The following ITPR2 variants were observed in gnomAD, a reference collection of about 807,000 sequenced individuals.
ITPR2 encodes the protein inositol 1,4,5-trisphosphate receptor type 2.
ITPR2 carries 207 observed loss-of-function variants against 317.1 expected under a neutral mutation model. That is an observed-to-expected ratio of 0.65 (90% CI 0.58 to 0.73). The LOEUF (loss-of-function observed/expected upper bound fraction) is 0.73. ITPR2 is among the 30% of genes least tolerant of loss of function. ITPR2 has a pLI of 0.00. For missense variants in ITPR2, 2,613 were observed against 3,284.0 expected (o/e 0.80, Z 4.99); for synonymous variants, 1,156 against 1,149.1 (o/e 1.01, Z -0.12).
At chr12:26,611,982 G>A (rs1471281451) in intron 26 of ITPR2, among the ~76,000 whole-genome samples, 4 of 152,142 alleles carry the variant, frequency 2.6e-5, no homozygotes, top group African/African-American at 9.7e-5. Flanking sequence ...TTTAATAAAG[G>A]GAAACACTAT....
chr12:26,395,711 C>T (rs1183963707), intron 54 of ITPR2, among the ~76,000 whole-genome samples: 1 of 152,180 alleles, frequency 6.6e-6, no homozygotes, highest in Non-Finnish European at 1.5e-5. Context: ...AACAGCTTGG[C>T]CCCATAACGC....
chr12:26,819,307 T>C (rs906512318), intron 1 of ITPR2, among the ~76,000 whole-genome samples: 4 of 152,176 alleles, frequency 2.6e-5, no homozygotes, highest in African/African-American at 9.7e-5. Flanking sequence ...GGCTGGATAT[T>C]GTATCTTTTG....
At chr12:26,545,285 C>T (rs147826041) in intron 37 of ITPR2, among the ~76,000 whole-genome samples, 31 of 151,978 alleles carry the variant, frequency 2.0e-4, no homozygotes, top group African/African-American at 7.5e-4. Context: ...AAAATTATAC[C>T]AGATTATCCA....
intron 37 of ITPR2, among the ~76,000 whole-genome samples, chr12:26,501,569 C>G (rs1235388875): frequency 6.6e-6 from 1 of 152,178 alleles, no homozygotes; most frequent in Non-Finnish European, 1.5e-5. Context: ...TATGTGCACT[C>G]AGAAGATGCT....
intron 45 of ITPR2, among the ~76,000 whole-genome samples, chr12:26,446,415 T>G (rs1156553499): frequency 6.6e-6 from 1 of 152,136 alleles, no homozygotes; most frequent in Non-Finnish European, 1.5e-5. Flanking sequence ...CTTTAAATCT[T>G]ACATAACTGA....
intron 37 of ITPR2, among the ~76,000 whole-genome samples, chr12:26,527,689 GAT>G (rs1184767687): frequency 1.3e-5 from 2 of 152,190 alleles, no homozygotes; most frequent in Non-Finnish European, 2.9e-5. Flanking sequence ...TTATTCATCA[GAT>G]ATGTTTCTGT....
At chr12:26,832,550 C>G in intron 1 of ITPR2, 140 bp downstream of exon 1, 1 of 540,792 alleles carries the variant, frequency 1.8e-6, no homozygotes, top group East Asian at 3.5e-5. Flanking sequence ...GCGGAGCGCA[C>G]GGCGCTGTCC....
intron 21 of ITPR2, among the ~76,000 whole-genome samples, chr12:26,643,756 T>A (rs1947045301): frequency 6.6e-6 from 1 of 152,134 alleles, no homozygotes; most frequent in African/African-American, 2.4e-5. Context: ...AATATTTGGG[T>A]GAAAAATATG....
intron 2 of ITPR2, among the ~76,000 whole-genome samples, chr12:26,744,605 A>G (rs1949288538): frequency 6.6e-6 from 1 of 152,240 alleles, no homozygotes; most frequent in South Asian, 2.1e-4. Flanking sequence ...GAACACAGAC[A>G]TGAACATACG....
At chr12:26,747,764 G>T (rs909640474) in intron 2 of ITPR2, among the ~76,000 whole-genome samples, 2 of 152,176 alleles carry the variant, frequency 1.3e-5, no homozygotes, top group Non-Finnish European at 2.9e-5. Flanking sequence ...CCCTGTTCAA[G>T]AATTCTTCCA....
intron 34 of ITPR2, among the ~76,000 whole-genome samples, chr12:26,570,515 TGAAA>T (rs1221643150): frequency 6.6e-6 from 1 of 152,218 alleles, no homozygotes; most frequent in African/African-American, 2.4e-5. Context: ...ATTTCTCTTC[TGAAA>T]GAGTTAATAT....
rs139793100 is a variant in ITPR2, at chr12:26,621,253, T to C, written c.3332A>G (p.Gln1111Arg). ...AAGCTGGTCTAGATCTGCCTTGATT[T>C]GCTTGTAGTTATCTACGTCTTGATT... is the stretch of plus-strand genomic sequence containing the variant. ...VSNQDVDNYKQIKADLDQLRL... is the reference protein window; with the variant it reads ...VSNQDVDNYKRIKADLDQLRL... The change falls in exon 26 of 57, where the codon CAA becomes CGA. Residue 1111 changes from glutamine to arginine, a missense_variant. Gln to Arg is a conservative substitution (Grantham distance 43). Coordinates refer to ENST00000381340, the MANE Select transcript of ITPR2 (RefSeq NM_002223.4). 4 of 1,613,600 alleles carry C rather than the reference T, an allele frequency of 2.5e-6. No individual in the cohort carries two copies. In the East Asian group the frequency reaches 8.9e-5, roughly 36 times the overall value.
intron 55 of ITPR2, among the ~76,000 whole-genome samples, chr12:26,387,132 G>GA (rs1939690883): frequency 6.6e-6 from 1 of 152,194 alleles, no homozygotes; most frequent in Non-Finnish European, 1.5e-5. Context: ...CATCAGCAAT[G>GA]ATAAAAGGTA....
chr12:26,533,285 A>T (rs757531898), intron 37 of ITPR2, among the ~76,000 whole-genome samples: 3 of 152,200 alleles, frequency 2.0e-5, no homozygotes, highest in Non-Finnish European at 4.4e-5. Context: ...GTTTTTTTCA[A>T]CCTTAACCTA....
chr12:26,709,186 T>C (rs527840418), intron 9 of ITPR2, among the ~76,000 whole-genome samples: 18 of 152,322 alleles, frequency 1.2e-4, no homozygotes, highest in African/African-American at 4.3e-4. Flanking sequence ...ATTTTGATAT[T>C]AGAACACTAC....
chr12:26,451,402 C>CACACACACAA, intron 45 of ITPR2, among the ~76,000 whole-genome samples: 1 of 128,452 alleles, frequency 7.8e-6, no homozygotes, highest in East Asian at 2.2e-4. Flanking sequence ...CACACACACA[C>CACACACACAA]ACACACGGAA....
At chr12:26,514,676 T>C (rs922094170) in intron 37 of ITPR2, among the ~76,000 whole-genome samples, 1 of 152,230 alleles carries the variant, frequency 6.6e-6, no homozygotes, top group African/African-American at 2.4e-5. Context: ...TTCATTGCAT[T>C]TATTTTCTGC....
At chr12:26,772,503 G>GTATTATATA (rs1949880420) in intron 2 of ITPR2, among the ~76,000 whole-genome samples, 2 of 100,014 alleles carry the variant, frequency 2.0e-5, no homozygotes, top group Non-Finnish European at 4.6e-5. Flanking sequence ...TATAATACAT[G>GTATTATATA]TATTATATAT....
chr12:26,734,858 C>T (rs1949089670), intron 2 of ITPR2, among the ~76,000 whole-genome samples: 1 of 152,060 alleles, frequency 6.6e-6, no homozygotes, highest in Admixed American at 6.6e-5. Context: ...ATTATTATTA[C>T]ATATTTATAC....
Sources: allele counts gnomAD v4.1 joint callset (sites outside exome capture counted in the v4.1 genomes callset), GRCh38; gene constraint gnomAD v4.1.1; transcripts MANE v1.5; gene names NCBI Gene and HGNC (gene_info 2026-07-23, HGNC 2026-07-21).